Variants in SND1 observed in about 807,000 individuals in gnomAD.
The protein encoded by SND1 is staphylococcal nuclease domain-containing protein 1.
In SND1, 38 loss-of-function variants were observed where a neutral mutation model predicts 121.7. That is an observed-to-expected ratio of 0.31 (90% CI 0.24 to 0.41). The LOEUF is 0.41. SND1 is among the 10% of genes least tolerant of loss of function. SND1 has a pLI of 1.00. For synonymous variants in SND1, 401 were observed against 447.4 expected, an observed-to-expected ratio of 0.90 and a Z score of 1.31; for missense variants, 868 against 1,184.6, an observed-to-expected ratio of 0.73 and a Z score of 3.92.
intron 12 of SND1, among the ~76,000 whole-genome samples, chr7:127,854,780 C>T (rs1799241441): frequency 6.6e-6 from 1 of 151,872 alleles, no homozygotes; most frequent in Admixed American, 6.6e-5. Context: ...TTCCTGTGGT[C>T]AGCACAGCAC....
At chr7:127,809,527 C>T (rs1021882428) in intron 11 of SND1, among the ~76,000 whole-genome samples, 2 of 152,208 alleles carry the variant, frequency 1.3e-5, no homozygotes, top group Non-Finnish European at 2.9e-5. Flanking sequence ...AGGGGAGTGG[C>T]TAGCACATCA....
At chr7:127,663,564 G>GAT (rs1795357114) in intron 1 of SND1, among the ~76,000 whole-genome samples, 1 of 152,086 alleles carries the variant, frequency 6.6e-6, no homozygotes, top group African/African-American at 2.4e-5. Context: ...TTTTAGTAGA[G>GAT]ATGGGGTTTC....
intron 9 of SND1, among the ~76,000 whole-genome samples, chr7:127,708,866 G>T (rs1027563807): frequency 1.3e-5 from 2 of 152,200 alleles, no homozygotes; most frequent in Non-Finnish European, 2.9e-5. Context: ...GGACTGAGAG[G>T]TTCTGTCTCC....
chr7:127,845,992 G>A (rs1799054793), intron 12 of SND1, among the ~76,000 whole-genome samples: 1 of 152,200 alleles, frequency 6.6e-6, no homozygotes. Context: ...TCTCCACTGT[G>A]TTTATTTTGG....
Position 127,929,333 on chromosome 7 carries a change from A to G in SND1, c.1669+4A>G. 2 of 1,613,870 alleles carry G rather than the reference A, an allele frequency of 1.2e-6. No individual in the cohort carries two copies. On this transcript the variant is annotated splice_donor_region_variant and intron_variant, in intron 15 of 23. Coordinates refer to ENST00000354725, the MANE Select transcript of SND1 (RefSeq NM_014390.4). ...CTTATCACCTTCTTGCTTGCAGGTA[A>G]GTCTTATGTGTTACATGTTACTCTG...
At chr7:128,084,553 C>T (rs1793657219) in intron 18 of SND1, among the ~76,000 whole-genome samples, 171 bp from the exon 19 acceptor site, 1 of 152,238 alleles carries the variant, frequency 6.6e-6, no homozygotes, top group South Asian at 2.1e-4. Context: ...CATGAAACCT[C>T]TGGAGTGGAG....
intron 14 of SND1, among the ~76,000 whole-genome samples, chr7:127,920,655 G>C (rs964567611): frequency 1.2e-4 from 18 of 152,064 alleles, no homozygotes; most frequent in African/African-American, 4.3e-4. Flanking sequence ...TCTGTGGGTT[G>C]GCAGCCCTCA....
chr7:127,994,549 C>CAAAAAAAAAAAAAAAAAAAAA lies in SND1; in HGVS notation c.1779+3509_1779+3529dup, dbSNP rs563548702. 8.7e-5 allele frequency among the ~76,000 whole-genome samples: 4 copies of CAAAAAAAAAAAAAAAAAAAAA among 46,238 alleles called. 1 individual carries two copies. Among genetic ancestry groups the CAAAAAAAAAAAAAAAAAAAAA allele is most frequent in the Non-Finnish European group, 1.5e-4 (4 of 26,586 alleles). 30.3% of individuals were successfully genotyped at this position (46,238 alleles called of 152,430 possible). ...CTCTCAAATGACGATCACTTTTACT[C>CAAAAAAAAAAAAAAAAAAAAA]AAAAAAAAAAAAAAAAAAAAAAAAA... is the stretch of plus-strand genomic sequence containing the variant. On this transcript the variant is annotated intron_variant, in intron 16 of 23. Transcript: ENST00000354725.
intron 12 of SND1, among the ~76,000 whole-genome samples, chr7:127,881,185 C>G (rs1356442671): frequency 6.6e-6 from 1 of 152,052 alleles, no homozygotes; most frequent in African/African-American, 2.4e-5. Context: ...ATTTATTCTC[C>G]CTGAAGATTT....
At chr7:128,038,777 T>A (rs1026077573) in intron 16 of SND1, among the ~76,000 whole-genome samples, 5 of 152,190 alleles carry the variant, frequency 3.3e-5, no homozygotes, top group African/African-American at 1.2e-4. Flanking sequence ...TTCTCTTGTG[T>A]GAGTTAATAT....
chr7:127,959,863 A>C (rs1245738561), intron 15 of SND1, among the ~76,000 whole-genome samples: 1 of 152,202 alleles, frequency 6.6e-6, no homozygotes, highest in African/African-American at 2.4e-5. Flanking sequence ...TGTTGAATGA[A>C]TTGGCTCTAG....
At chr7:127,883,013 C>A (rs561456281) in intron 12 of SND1, among the ~76,000 whole-genome samples, 1 of 152,260 alleles carries the variant, frequency 6.6e-6, no homozygotes, top group East Asian at 1.9e-4. Flanking sequence ...TGAAATGCTT[C>A]TCCAAACTAA....
intron 11 of SND1, among the ~76,000 whole-genome samples, chr7:127,827,105 AT>A (rs1308348639): frequency 6.6e-6 from 1 of 152,222 alleles, no homozygotes; most frequent in Admixed American, 6.5e-5. Flanking sequence ...GATCTTAGTT[AT>A]AACTCTTTTA....
chr7:127,873,330 A>G (rs1799632141), intron 12 of SND1, among the ~76,000 whole-genome samples: 1 of 152,120 alleles, frequency 6.6e-6, no homozygotes, highest in Non-Finnish European at 1.5e-5. Context: ...CTCTTACTCT[A>G]TCCTAAGTAC....
chr7:127,949,622 A>G (rs1474959034), intron 15 of SND1, among the ~76,000 whole-genome samples: 2 of 152,170 alleles, frequency 1.3e-5, no homozygotes, highest in African/African-American at 4.8e-5. Flanking sequence ...TTTGAAAAAC[A>G]CCCTTCCCTC....
chr7:127,757,534 C>T (rs1797219890), intron 10 of SND1, among the ~76,000 whole-genome samples: 1 of 152,218 alleles, frequency 6.6e-6, no homozygotes, highest in Non-Finnish European at 1.5e-5. Flanking sequence ...AGTTGTTCCA[C>T]ATCCATGCCA....
At chr7:127,955,943 T>C (rs1247592792) in intron 15 of SND1, among the ~76,000 whole-genome samples, 2 of 152,240 alleles carry the variant, frequency 1.3e-5, no homozygotes, top group African/African-American at 4.8e-5. Context: ...CCGCTCTTCC[T>C]GAGCAGGAGC....
chr7:127,850,390 A>G (rs181934909), intron 12 of SND1, among the ~76,000 whole-genome samples: 500 of 152,346 alleles, frequency 3.3e-3, no homozygotes, highest in Non-Finnish European at 5.4e-3. Flanking sequence ...TTTCTGGCCT[A>G]GTCATCTTAC....
intron 16 of SND1, chr7:127,997,581 A>G (rs1370167660): frequency 2.3e-6 from 1 of 428,518 alleles, no homozygotes; most frequent in African/African-American, 2.1e-5. Context: ...ATGTTTCTTA[A>G]AAGACAAATC....
Sources: allele counts gnomAD v4.1 joint callset (sites outside exome capture counted in the v4.1 genomes callset), GRCh38; gene constraint gnomAD v4.1.1; transcripts MANE v1.5; gene names NCBI Gene and HGNC (gene_info 2026-07-23, HGNC 2026-07-21).